CNTNAP2: variants seen among roughly 807,000 people sequenced by gnomAD.
The protein encoded by CNTNAP2 is contactin-associated protein-like 2.
Under a neutral mutation model 155.2 loss-of-function variants are expected in CNTNAP2, and 98 were observed. The ratio of observed to expected loss-of-function variants is 0.63; its 90% CI spans 0.54 to 0.75. The LOEUF is 0.75. Among genes scored for constraint, CNTNAP2 ranks in the 30% least tolerant of loss-of-function variants. The pLI is 0.00. For synonymous variants in CNTNAP2, 651 were observed against 631.2 expected (o/e 1.03, Z -0.47); for missense variants, 1,727 against 1,688.1 (o/e 1.02, Z -0.40).
intron 13 of CNTNAP2, among the ~76,000 whole-genome samples, chr7:147,689,817 T>TA (rs532852365): frequency 1.3e-4 from 20 of 150,538 alleles, no homozygotes; most frequent in African/African-American, 2.4e-4. Flanking sequence ...ACAGAAAGAA[T>TA]AAAAAAAAAA....
chr7:146,505,590 C>T (rs1563111180), intron 1 of CNTNAP2, among the ~76,000 whole-genome samples: 1 of 152,180 alleles, frequency 6.6e-6, no homozygotes, highest in Non-Finnish European at 1.5e-5. Context: ...ATCATAGAGG[C>T]CATATATTAA....
chr7:146,159,685 G>A (rs1430460814), intron 1 of CNTNAP2, among the ~76,000 whole-genome samples: 1 of 152,166 alleles, frequency 6.6e-6, no homozygotes, highest in Non-Finnish European at 1.5e-5. Flanking sequence ...AACAAGAAGA[G>A]CTAACTATCC....
At chr7:146,299,521 T>C (rs2129088070) in intron 1 of CNTNAP2, among the ~76,000 whole-genome samples, 1 of 152,256 alleles carries the variant, frequency 6.6e-6, no homozygotes, top group Middle Eastern at 3.4e-3. Flanking sequence ...TACCTAGGAC[T>C]AAAGGCATGG....
intron 3 of CNTNAP2, among the ~76,000 whole-genome samples, chr7:146,926,866 A>G (rs1241599808): frequency 6.6e-6 from 1 of 152,150 alleles, no homozygotes; most frequent in East Asian, 1.9e-4. Context: ...TTATCAAAAA[A>G]TGTGATACAT....
chr7:147,235,345 GGTGTGT>G (rs60072934), intron 8 of CNTNAP2, among the ~76,000 whole-genome samples: 157 of 140,974 alleles, frequency 1.1e-3, no homozygotes, highest in South Asian at 5.6e-3. Flanking sequence ...TGGAGTTTTT[GGTGTGT>G]GTGTGTGTGT....
chr7:147,441,850 TCC>T (rs1491185639), intron 10 of CNTNAP2, among the ~76,000 whole-genome samples: 738 of 72,404 alleles, frequency 0.01, 9 homozygotes, highest in African/African-American at 0.024. Context: ...TCTCTCTCTC[TCC>T]CTCCCTCCCT....
intron 1 of CNTNAP2, among the ~76,000 whole-genome samples, chr7:146,602,804 C>T (rs778043679): frequency 5.9e-5 from 9 of 152,004 alleles, no homozygotes; most frequent in Admixed American, 3.3e-4. Flanking sequence ...GAGTGGAGAA[C>T]GAAAACTTTC....
At chr7:147,536,084 A>G (rs1799532470) in intron 11 of CNTNAP2, among the ~76,000 whole-genome samples, 1 of 152,206 alleles carries the variant, frequency 6.6e-6, no homozygotes, top group Non-Finnish European at 1.5e-5. Context: ...TCACCGTGGC[A>G]GGAACTAAGC....
At chr7:146,876,864 C>A (rs1034435828) in intron 3 of CNTNAP2, among the ~76,000 whole-genome samples, 1 of 152,102 alleles carries the variant, frequency 6.6e-6, no homozygotes, top group Non-Finnish European at 1.5e-5. Context: ...CACATTTTTT[C>A]CTCTGTCATA....
chr7:147,483,301 C>G (rs544722385), intron 10 of CNTNAP2, among the ~76,000 whole-genome samples: 111 of 151,730 alleles, frequency 7.3e-4, no homozygotes, highest in African/African-American at 2.6e-3. Flanking sequence ...AGGTTATATG[C>G]AAATACTACA....
intron 10 of CNTNAP2, among the ~76,000 whole-genome samples, chr7:147,439,672 G>A (rs201340691): frequency 1.3e-5 from 2 of 151,964 alleles, no homozygotes; most frequent in Non-Finnish European, 2.9e-5. Flanking sequence ...AATTCTGAAC[G>A]TGGGGTGTTG....
At chr7:147,999,553 T>C (rs2116891583) in intron 15 of CNTNAP2, among the ~76,000 whole-genome samples, 1 of 152,322 alleles carries the variant, frequency 6.6e-6, no homozygotes, top group African/African-American at 2.4e-5. Context: ...GAACAGTGAT[T>C]GTTGTGGGTT....
intron 3 of CNTNAP2, among the ~76,000 whole-genome samples, chr7:146,915,509 C>T (rs1796374570): frequency 1.3e-5 from 2 of 152,008 alleles, no homozygotes; most frequent in East Asian, 3.9e-4. Context: ...TTGTAATTTT[C>T]CTTGTAGAAG....
chr7:146,133,128 C>T (rs1181383238), intron 1 of CNTNAP2, among the ~76,000 whole-genome samples: 7 of 150,452 alleles, frequency 4.7e-5, no homozygotes, highest in Non-Finnish European at 2.9e-5. Flanking sequence ...GATGGTATCT[C>T]GTTGTGGTTT....
intron 1 of CNTNAP2, among the ~76,000 whole-genome samples, chr7:146,240,068 T>C (rs1034187620): frequency 6.6e-5 from 10 of 152,244 alleles, no homozygotes; most frequent in Admixed American, 1.3e-4. Context: ...ATAAAGTTTA[T>C]TGAACACCTG....
At chr7:147,629,155 A>C (rs1795039411) in intron 12 of CNTNAP2, among the ~76,000 whole-genome samples, 1 of 152,088 alleles carries the variant, frequency 6.6e-6, no homozygotes. Flanking sequence ...TAATCCCAGC[A>C]CTTTGGGAGG....
chr7:146,656,639 T>A (rs898950180), intron 1 of CNTNAP2, among the ~76,000 whole-genome samples: 7 of 152,334 alleles, frequency 4.6e-5, no homozygotes, highest in South Asian at 2.1e-4. Context: ...CAAAAGCAGC[T>A]GTTGTTAAAG....
intron 12 of CNTNAP2, among the ~76,000 whole-genome samples, chr7:147,599,946 T>C (rs1423086809): frequency 5.3e-5 from 8 of 152,232 alleles, no homozygotes; most frequent in African/African-American, 1.9e-4. Flanking sequence ...TTATATCAGG[T>C]AATACCATTA....
chr7:146,586,417 A>G (rs1355729441), intron 1 of CNTNAP2, among the ~76,000 whole-genome samples: 1 of 152,150 alleles, frequency 6.6e-6, no homozygotes, highest in African/African-American at 2.4e-5. Context: ...GAAAACTTCT[A>G]AAGGTAGGAG....
Sources: gnomAD v4.1 joint callset for allele counts (sites outside exome capture counted in the v4.1 genomes callset) on GRCh38, gnomAD v4.1.1 for gene constraint, MANE v1.5 for transcripts, NCBI Gene and HGNC (gene_info 2026-07-23, HGNC 2026-07-21) for gene names.